The following DYNLL1 variants were observed in gnomAD, a reference collection of about 807,000 sequenced individuals.
The protein encoded by DYNLL1 is dynein light chain LC8-type 1.
DYNLL1 carries 3 observed loss-of-function variants against 10.1 expected under a neutral mutation model. The ratio of observed to expected loss-of-function variants is 0.30; its 90% CI spans 0.14 to 0.77. DYNLL1 has a LOEUF of 0.77. Ranked by LOEUF, DYNLL1 falls within the 30% of genes least tolerant of loss-of-function variation. The pLI, the probability that DYNLL1 is intolerant of heterozygous loss-of-function variation, is 0.66. For missense variants in DYNLL1, 47 were observed against 111.7 expected (o/e 0.42, Z 2.61); for synonymous variants, 46 against 41.2 (o/e 1.12, Z -0.45).
At chr12:120,473,968 T>G (rs563517553) in intron 1 of DYNLL1, among the ~76,000 whole-genome samples, 18 of 140,384 alleles carry the variant, frequency 1.3e-4, no homozygotes, top group Non-Finnish European at 2.5e-4. Flanking sequence ...AGACTCTGTC[T>G]CAAAACATAA....
chr12:120,474,237 T>A (rs757702438), intron 1 of DYNLL1, among the ~76,000 whole-genome samples: 1 of 147,262 alleles, frequency 6.8e-6, no homozygotes, highest in African/African-American at 2.5e-5. Context: ...GAGGCAGAGG[T>A]TGCAGTGAGC....
At chr12:120,473,824 A>G (rs1411684583) in intron 1 of DYNLL1, among the ~76,000 whole-genome samples, 2 of 152,048 alleles carry the variant, frequency 1.3e-5, no homozygotes, top group African/African-American at 4.8e-5. Flanking sequence ...TGCTGGGATT[A>G]CAGGCATTAG....
chr12:120,479,449 C>T (rs376357497), intron 1 of DYNLL1, among the ~76,000 whole-genome samples: 1 of 76,116 alleles, frequency 1.3e-5, no homozygotes, highest in African/African-American at 5.0e-5. Context: ...ACTCCGTCTC[C>T]AAAAAAAAAA....
chr12:120,485,239 T>C (rs1025336396), intron 1 of DYNLL1, among the ~76,000 whole-genome samples: 42 of 148,220 alleles, frequency 2.8e-4, no homozygotes, highest in African/African-American at 9.9e-4. Flanking sequence ...TAAATAGTTA[T>C]GTTGTAGAAG....
chr12:120,498,099 C>T lies in DYNLL1; in HGVS notation c.159C>T (p.Thr53=). The change falls in exon 3 of 3, where the codon ACC becomes ACT. Residue 53 remains threonine (T), a synonymous_variant. Coordinates refer to ENST00000242577, the MANE Select transcript of DYNLL1 (RefSeq NM_003746.3). The part of the protein sequence containing the change: ...KKEFDKKYNP[T]WHCIVGRNFG... ...AATTTGACAAGAAGTACAATCCCACCTGGCATTGCATCGTGGGGAGGAACT... is the reference window on the plus strand; with the variant it reads ...AATTTGACAAGAAGTACAATCCCACTTGGCATTGCATCGTGGGGAGGAACT... 1 of 1,614,070 alleles carries T rather than the reference C, an allele frequency of 6.2e-7. No homozygotes were observed. The highest frequency in any genetic ancestry group is 8.5e-7 in the Non-Finnish European group (1 of 1,179,940).
chr12:120,491,739 A>C (rs1002773082), upstream of DYNLL1: 2 of 152,220 alleles, frequency 1.3e-5, no homozygotes, highest in Non-Finnish European at 2.9e-5. Context: ...GGGCCCTGGG[A>C]AAGTCTGATG....
At chr12:120,483,166 C>T (rs1318716290) in intron 1 of DYNLL1, among the ~76,000 whole-genome samples, 2 of 151,782 alleles carry the variant, frequency 1.3e-5, no homozygotes, top group Admixed American at 6.6e-5. Context: ...GGTGAAACCC[C>T]GTCTCTACTA....
chr12:120,484,478 C>T lies in DYNLL1; in HGVS notation c.-6-11938C>T, dbSNP rs529006793. ...AAAAGGAAAAAAGCCTGTTATATGC[C>T]GGGAAAAAATCAAATTTTAACATTA... On this transcript the variant is annotated intron_variant, in intron 1 of 2. Transcript: ENST00000392509. Among the ~76,000 whole-genome samples the T allele has an allele frequency of 3.4e-4, 52 of 151,908 alleles. 1 individual carries two copies. Among genetic ancestry groups the T allele is most frequent in the South Asian group, 6.2e-4 (3 of 4,812 alleles).
chr12:120,491,127 TCTGCC>T (rs1217990878), upstream of DYNLL1: 1 of 152,530 alleles, frequency 6.6e-6, no homozygotes, highest in Admixed American at 6.5e-5. Flanking sequence ...TCTGTGTTGC[TCTGCC>T]CTCTGACTGA....
intron 1 of DYNLL1, among the ~76,000 whole-genome samples, chr12:120,473,179 T>G (rs777639394): frequency 2.0e-5 from 3 of 152,042 alleles, no homozygotes; most frequent in Non-Finnish European, 4.4e-5. Flanking sequence ...TCTTAGAGAT[T>G]CTAAGGAAGG....
chr12:120,490,577 A>G (rs1169210203), intron 1 of DYNLL1: 2 of 152,144 alleles, frequency 1.3e-5, no homozygotes, highest in Non-Finnish European at 2.9e-5. Context: ...TGGAGCTGTG[A>G]GCTTGGGATC....
At chr12:120,479,993 T>G (rs1878847367) in intron 1 of DYNLL1, among the ~76,000 whole-genome samples, 1 of 152,120 alleles carries the variant, frequency 6.6e-6, no homozygotes, top group African/African-American at 2.4e-5. Context: ...GCATGATCAG[T>G]CTGGGGGAAG....
intron 1 of DYNLL1, among the ~76,000 whole-genome samples, chr12:120,480,519 C>T (rs940181705): frequency 6.6e-6 from 1 of 152,150 alleles, no homozygotes; most frequent in South Asian, 2.1e-4. Flanking sequence ...TGTCTGGAAG[C>T]CTGTGTCCCT....
At chr12:120,484,967 T>C (rs1003127021) in intron 1 of DYNLL1, among the ~76,000 whole-genome samples, 3 of 152,186 alleles carry the variant, frequency 2.0e-5, no homozygotes, top group African/African-American at 7.2e-5. Flanking sequence ...CTCGAACTTC[T>C]GACCGCAAGT....
At chr12:120,477,855 G>C (rs189314682) in intron 1 of DYNLL1, among the ~76,000 whole-genome samples, 120 of 152,168 alleles carry the variant, frequency 7.9e-4, no homozygotes, top group African/African-American at 2.5e-3. Context: ...GGAGTGCAAT[G>C]GTGCGATGTC....
At position 120,496,155 on chromosome 12, in the gene DYNLL1, C is replaced by T. The variant is rs1427341648; in HGVS notation, c.-68C>T. The T allele has an allele frequency of 8.7e-6, 5 of 576,886 alleles. No individual in the cohort carries two copies. The highest frequency in any genetic ancestry group is 3.8e-5 in the African/African-American group (2 of 53,194). The allele number at this position is 576,886 out of a possible 1,614,324, so 35.7% of individuals were successfully genotyped here. On this transcript the variant is annotated 5_prime_UTR_variant, in exon 1 of 3. Coordinates refer to ENST00000242577, the MANE Select transcript of DYNLL1 (RefSeq NM_003746.3). ...GGTAGCGACGGTATCTCTAGCCGGG[C>T]CTGAGCTGTGCTAGCACCTCCCCCA...
intron 1 of DYNLL1, among the ~76,000 whole-genome samples, chr12:120,485,264 T>C: frequency 6.9e-6 from 1 of 145,856 alleles, no homozygotes; most frequent in East Asian, 2.0e-4. Flanking sequence ...TTTTTTTTTT[T>C]TTTTTTTTTT....
At chr12:120,482,441 G>A (rs1878902624) in intron 1 of DYNLL1, among the ~76,000 whole-genome samples, 1 of 151,970 alleles carries the variant, frequency 6.6e-6, no homozygotes, top group Non-Finnish European at 1.5e-5. Flanking sequence ...TCCTGCCTCA[G>A]CCTCTCAGGT....
intron 1 of DYNLL1, among the ~76,000 whole-genome samples, chr12:120,475,734 G>A (rs548676954): frequency 2.0e-5 from 3 of 152,082 alleles, no homozygotes; most frequent in South Asian, 2.1e-4. Flanking sequence ...ACAGGACAGC[G>A]TAGGAATTTA....
Sources: gnomAD v4.1 joint callset for allele counts (sites outside exome capture counted in the v4.1 genomes callset) on GRCh38, gnomAD v4.1.1 for gene constraint, MANE v1.5 for transcripts, NCBI Gene and HGNC (gene_info 2026-07-23, HGNC 2026-07-21) for gene names.